DMRT1: variants seen among roughly 807,000 people sequenced by gnomAD.
DMRT1 encodes the protein doublesex- and mab-3-related transcription factor 1.
DMRT1 carries 7 observed loss-of-function variants against 32.3 expected under a neutral mutation model. The observed-to-expected ratio is 0.22, with a 90% CI of 0.12 to 0.41. The LOEUF is 0.41. Ranked by LOEUF, DMRT1 falls within the 10% of genes least tolerant of loss-of-function variation. DMRT1 has a pLI of 1.00. For missense variants in DMRT1, 625 were observed against 500.5 expected (o/e 1.25, Z -2.37); for synonymous variants, 278 against 206.1 (o/e 1.35, Z -2.99).
intron 3 of DMRT1, among the ~76,000 whole-genome samples, chr9:901,185 C>G (rs946140933): frequency 3.3e-5 from 5 of 151,974 alleles, no homozygotes; most frequent in Admixed American, 1.3e-4. Flanking sequence ...CAGCTAATTT[C>G]TGTACTTTTT....
At chr9:899,282 T>G (rs923058750) in intron 3 of DMRT1, among the ~76,000 whole-genome samples, 6 of 152,168 alleles carry the variant, frequency 3.9e-5, no homozygotes, top group African/African-American at 1.4e-4. Flanking sequence ...CGTCATAACT[T>G]TTTAAAGCTA....
At chr9:852,758 C>A (rs1049695136) in intron 2 of DMRT1, among the ~76,000 whole-genome samples, 2 of 152,214 alleles carry the variant, frequency 1.3e-5, no homozygotes, top group African/African-American at 4.8e-5. Context: ...CACCTCGGGC[C>A]CCCCTGGGCA....
At chr9:912,142 GAA>G (rs1207922308) in intron 3 of DMRT1, among the ~76,000 whole-genome samples, 1 of 152,232 alleles carries the variant, frequency 6.6e-6, no homozygotes, top group Non-Finnish European at 1.5e-5. Flanking sequence ...GGAGAGAGGA[GAA>G]AGAGAACAGG....
intron 2 of DMRT1, among the ~76,000 whole-genome samples, chr9:890,085 G>GTTTTTTTTTT (rs35228255): frequency 2.9e-5 from 3 of 102,996 alleles, no homozygotes; most frequent in Admixed American, 2.5e-4. Context: ...CACCAAACGT[G>GTTTTTTTTTT]TTTTTTTTTT....
chr9:883,465 G>T (rs111669684), intron 2 of DMRT1, among the ~76,000 whole-genome samples: 13 of 151,958 alleles, frequency 8.6e-5, no homozygotes, highest in African/African-American at 2.9e-4. Flanking sequence ...GAATGACACA[G>T]CCTTTTAAAA....
At chr9:961,921 C>T (rs1284607262) in intron 4 of DMRT1, among the ~76,000 whole-genome samples, 4 of 152,156 alleles carry the variant, frequency 2.6e-5, no homozygotes, top group South Asian at 2.1e-4. Flanking sequence ...GAAACTAGGG[C>T]GCAGGATGCT....
intron 4 of DMRT1, among the ~76,000 whole-genome samples, chr9:937,841 T>C (rs1276935895): frequency 6.6e-6 from 1 of 152,080 alleles, no homozygotes; most frequent in African/African-American, 2.4e-5. Flanking sequence ...AAAGTTTTTT[T>C]TTTATTTTGA....
At chr9:914,266 A>G (rs1818093255) in intron 3 of DMRT1, among the ~76,000 whole-genome samples, 1 of 151,928 alleles carries the variant, frequency 6.6e-6, no homozygotes, top group Non-Finnish European at 1.5e-5. Context: ...AGCTTCTTTA[A>G]CCTTCTATTT....
chr9:852,984 G>A (rs75402572), intron 2 of DMRT1, among the ~76,000 whole-genome samples: 3,438 of 152,316 alleles, frequency 0.023, 118 homozygotes, highest in African/African-American at 0.079. Context: ...AACATGAAAT[G>A]TGTTCGTTTG....
intron 2 of DMRT1, among the ~76,000 whole-genome samples, chr9:875,229 TA>T (rs1290215584): frequency 8.5e-5 from 13 of 152,184 alleles, no homozygotes; most frequent in African/African-American, 3.1e-4. Flanking sequence ...TTAAAACCAG[TA>T]TTGTTTCCGT....
chr9:879,997 A>G (rs757363258), intron 2 of DMRT1, among the ~76,000 whole-genome samples: 3 of 152,210 alleles, frequency 2.0e-5, no homozygotes, highest in Non-Finnish European at 4.4e-5. Context: ...GGGGGCCATA[A>G]ATTTTCTAAA....
chr9:921,778 G>A (rs1301847496), intron 4 of DMRT1, among the ~76,000 whole-genome samples: 2 of 152,220 alleles, frequency 1.3e-5, no homozygotes, highest in African/African-American at 2.4e-5. Flanking sequence ...CTACTTGGGA[G>A]GGTGAGGCAG....
Position 941,892 on chromosome 9 carries a change from T to A in DMRT1, c.967+24985T>A, listed in dbSNP as rs142129048. The stretch of plus-strand genomic sequence containing the variant: ...TCCTGGAATAAATCTTATCTGGTTA[T>A]GAGGTATTGTCCTTTTAGTACATTG... On this transcript the variant is annotated intron_variant, in intron 4 of 4. Coordinates refer to ENST00000382276, the MANE Select transcript of DMRT1 (RefSeq NM_021951.3). Among the ~76,000 whole-genome samples the A allele has an allele frequency of 1.3e-3, 196 of 152,340 alleles. 1 individual carries two copies. The highest frequency in any genetic ancestry group is 4.5e-3 in the African/African-American group (186 of 41,582).
In DMRT1 at chr9:908,058, C is replaced by G. The variant is rs375033976; in HGVS notation, c.823-8705C>G. ...CCTTTGTAAAATGTCAAAATACTCA[C>G]ATCTGAATTGCTTCTGGGCTAAAGA... On this transcript the variant is annotated intron_variant, in intron 3 of 4. Coordinates refer to ENST00000382276, the MANE Select transcript of DMRT1 (RefSeq NM_021951.3). Among the ~76,000 whole-genome samples the G allele has an allele frequency of 2.6e-4, 40 of 152,318 alleles. 1 individual carries two copies. The highest frequency in any genetic ancestry group is 6.2e-4 in the South Asian group (3 of 4,828).
chr9:855,726 C>G (rs1469316377), intron 2 of DMRT1, among the ~76,000 whole-genome samples: 5 of 152,196 alleles, frequency 3.3e-5, no homozygotes, highest in African/African-American at 1.2e-4. Context: ...CTCAGCAATT[C>G]TTCCACTTCA....
At chr9:896,326 T>A (rs1817361404) in intron 3 of DMRT1, among the ~76,000 whole-genome samples, 1 of 145,520 alleles carries the variant, frequency 6.9e-6, no homozygotes, top group African/African-American at 2.6e-5. Context: ...TCTCACTCTG[T>A]CGCCCAGGCT....
At chr9:864,435 T>A (rs1305390721) in intron 2 of DMRT1, among the ~76,000 whole-genome samples, 1 of 151,168 alleles carries the variant, frequency 6.6e-6, no homozygotes, top group Admixed American at 6.6e-5. Flanking sequence ...TCAGGTGATC[T>A]GCCCGCCTTG....
Position 916,788 on chromosome 9 carries a change from C to T in DMRT1, c.848C>T (p.Ala283Val). The change falls in exon 4 of 5, where the codon GCA becomes GTA. Residue 283 changes from alanine to valine, a missense_variant. Transcript: ENST00000382276. ...ATGAAGAACATGGAGAACCGCCATG[C>T]AATGAGCTCCCAGTACAGGATGCAT... ...WQMKNMENRH[A>V]MSSQYRMHSY... 2.5e-6 allele frequency: 4 copies of T among 1,614,098 alleles called. No individual in the cohort carries two copies. Among genetic ancestry groups the T allele is most frequent in the Non-Finnish European group, 2.5e-6 (3 of 1,180,042 alleles).
chr9:905,246 A>G (rs928149224), intron 3 of DMRT1, among the ~76,000 whole-genome samples: 4 of 152,180 alleles, frequency 2.6e-5, no homozygotes, highest in African/African-American at 9.7e-5. Context: ...GGGCATCACC[A>G]TTGAGATGCA....
Sources: allele counts gnomAD v4.1 joint callset (sites outside exome capture counted in the v4.1 genomes callset), GRCh38; gene constraint gnomAD v4.1.1; transcripts MANE v1.5; gene names NCBI Gene and HGNC (gene_info 2026-07-23, HGNC 2026-07-21).